Variants in CSMD3 observed in about 807,000 individuals in gnomAD.
CSMD3 encodes CUB and sushi domain-containing protein 3.
Under a neutral mutation model 435.2 loss-of-function variants are expected in CSMD3, and 177 were observed. That is an observed-to-expected ratio of 0.41 (90% confidence interval 0.36 to 0.46). The LOEUF (loss-of-function observed/expected upper bound fraction) is 0.46, where lower values mean the gene tolerates loss of function less well. CSMD3 is among the 20% of genes least tolerant of loss of function. CSMD3 has a pLI of 0.34. For synonymous variants in CSMD3, 1,656 were observed against 1,520.5 expected, an observed-to-expected ratio of 1.09 and a Z score of -2.07; for missense variants, 4,265 against 4,504.6, an observed-to-expected ratio of 0.95 and a Z score of 1.52.
chr8:112,768,044 A>G (rs1436590328), intron 13 of CSMD3, among the ~76,000 whole-genome samples: 1 of 151,872 alleles, frequency 6.6e-6, no homozygotes, highest in Non-Finnish European at 1.5e-5. Flanking sequence ...AGGTGAATTT[A>G]AAGGACAGCT....
chr8:112,575,397 G>T (rs534099717), intron 23 of CSMD3, among the ~76,000 whole-genome samples: 1 of 152,106 alleles, frequency 6.6e-6, no homozygotes, highest in East Asian at 1.9e-4. Flanking sequence ...AAGGAATTGA[G>T]AATCTTAAGT....
chr8:112,984,298 GAACA>G lies in CSMD3; in HGVS notation c.1031-8154_1031-8151del, dbSNP rs1385315458. On this transcript the variant is annotated intron_variant, in intron 6 of 70. Transcript: ENST00000297405. Reference sequence around the variant, plus strand: ...TCATTTAGAGAATATAAGTAAAAAAGAACAAACAAAAACTGTCTTTTAATACCAT... The same window carrying G: ...TCATTTAGAGAATATAAGTAAAAAAGAACAAAAACTGTCTTTTAATACCAT... 7.3e-5 allele frequency among the ~76,000 whole-genome samples: 11 copies of G among 151,596 alleles called. No individual in the cohort carries two copies. In the East Asian group the frequency reaches 1.2e-3, roughly 16 times the overall value.
intron 38 of CSMD3, 71 bp from the exon 39 acceptor site, chr8:112,352,605 T>G: frequency 1.5e-6 from 2 of 1,338,268 alleles, no homozygotes; most frequent in Non-Finnish European, 2.1e-6. Flanking sequence ...CATATTAAGT[T>G]GCTAAAATTG....
At chr8:113,059,343 C>A (rs2088497116) in intron 5 of CSMD3, among the ~76,000 whole-genome samples, 1 of 152,084 alleles carries the variant, frequency 6.6e-6, no homozygotes, top group Admixed American at 6.6e-5. Context: ...CTCTGGTACC[C>A]TTGGCCTTCA....
At chr8:113,080,139 T>C (rs889848284) in intron 5 of CSMD3, among the ~76,000 whole-genome samples, 2 of 152,166 alleles carry the variant, frequency 1.3e-5, no homozygotes, top group Admixed American at 6.5e-5. Context: ...TACTGAGTGA[T>C]GTTTGATGAG....
intron 1 of CSMD3, among the ~76,000 whole-genome samples, chr8:113,322,342 T>C (rs1459107133): frequency 6.6e-6 from 1 of 152,174 alleles, no homozygotes; most frequent in South Asian, 2.1e-4. Flanking sequence ...TAATTTTTGG[T>C]GATGGGAGAG....
intron 17 of CSMD3, among the ~76,000 whole-genome samples, chr8:112,659,107 G>A (rs988250753): frequency 1.3e-5 from 2 of 152,048 alleles, no homozygotes; most frequent in African/African-American, 4.8e-5. Context: ...ACTTCAAATT[G>A]AAACATAAAG....
At chr8:113,312,342 A>G (rs2093875925) in intron 2 of CSMD3, 1 of 152,154 alleles carries the variant, frequency 6.6e-6, no homozygotes, top group Non-Finnish European at 1.5e-5. Flanking sequence ...GCACAGTGAC[A>G]GGTGCAGAGG....
Position 113,319,065 on chromosome 8 carries a change from G to T in CSMD3, c.179-4272C>A, listed in dbSNP as rs541250532. Reference sequence around the variant, plus strand: ...TGTATCTCATTTTGGTATATACCTGGAAGAGGAGTTGCTGGGTCATATAGT... The same window carrying T: ...TGTATCTCATTTTGGTATATACCTGTAAGAGGAGTTGCTGGGTCATATAGT... On this transcript the variant is annotated intron_variant, in intron 1 of 70. Transcript: ENST00000297405. Among the ~76,000 whole-genome samples, 393 of 151,988 alleles carry T rather than the reference G, an allele frequency of 2.6e-3. 2 individuals carry two copies. Among genetic ancestry groups the T allele is most frequent in the African/African-American group, 8.9e-3 (370 of 41,480 alleles).
intron 7 of CSMD3, among the ~76,000 whole-genome samples, chr8:112,960,033 C>T (rs1420326983): frequency 1.3e-5 from 2 of 151,670 alleles, no homozygotes; most frequent in Non-Finnish European, 3.0e-5. Flanking sequence ...GAAATAAAGA[C>T]TAATGTCATC....
At chr8:112,472,162 A>C (rs1267398960) in intron 32 of CSMD3, among the ~76,000 whole-genome samples, 1 of 152,180 alleles carries the variant, frequency 6.6e-6, no homozygotes, top group Non-Finnish European at 1.5e-5. Context: ...CTTTCTGGAA[A>C]TGTGTTAATA....
intron 5 of CSMD3, among the ~76,000 whole-genome samples, chr8:113,098,099 A>G (rs2131542951): frequency 6.6e-6 from 1 of 152,150 alleles, no homozygotes; most frequent in Middle Eastern, 3.4e-3. Context: ...TGTTTTGGAT[A>G]AATTCCCATG....
chr8:112,471,563 T>C (rs1474271346), intron 32 of CSMD3, among the ~76,000 whole-genome samples: 1 of 152,162 alleles, frequency 6.6e-6, no homozygotes, highest in East Asian at 1.9e-4. Flanking sequence ...ACATTTCTGA[T>C]GACAGTACTC....
At position 112,992,478 on chromosome 8, in the gene CSMD3, C is replaced by T. The variant is rs181720236; in HGVS notation, c.1031-16330G>A. On this transcript the variant is annotated intron_variant, in intron 6 of 70. Transcript: ENST00000297405. The stretch of plus-strand genomic sequence containing the variant: ...CCTAGTTCGCCTTGGTCTATCATCT[C>T]AAAGAAGGGGATATCTTTGCTTACT... Among the ~76,000 whole-genome samples, 8 of 151,768 alleles carry T rather than the reference C, an allele frequency of 5.3e-5. No individual in the cohort carries two copies. In the East Asian group the frequency reaches 1.6e-3, roughly 30 times the overall value.
chr8:113,092,078 C>G (rs1044276488), intron 5 of CSMD3, among the ~76,000 whole-genome samples: 2 of 151,994 alleles, frequency 1.3e-5, no homozygotes, highest in African/African-American at 4.8e-5. Context: ...CTTTGATAAA[C>G]AGTCTTTGTC....
intron 6 of CSMD3, among the ~76,000 whole-genome samples, chr8:112,982,166 A>G (rs1464716996): frequency 1.3e-5 from 2 of 151,910 alleles, no homozygotes; most frequent in African/African-American, 4.8e-5. Context: ...TCCGATGTGT[A>G]GAGGTGCATC....
intron 22 of CSMD3, among the ~76,000 whole-genome samples, chr8:112,594,059 G>A (rs1167379153): frequency 6.6e-6 from 1 of 152,030 alleles, no homozygotes; most frequent in Admixed American, 6.6e-5. Context: ...AGCTCCCAGT[G>A]TGAGCGACGC....
At chr8:112,613,899 G>C (rs1833463274) in intron 22 of CSMD3, among the ~76,000 whole-genome samples, 1 of 152,160 alleles carries the variant, frequency 6.6e-6, no homozygotes, top group African/African-American at 2.4e-5. Context: ...AAGGTCGGAG[G>C]ATTGCTTGAG....
chr8:113,223,043 A>C (rs1015702370), intron 3 of CSMD3, among the ~76,000 whole-genome samples: 1 of 150,830 alleles, frequency 6.6e-6, no homozygotes, highest in African/African-American at 2.4e-5. Context: ...ATTCCTAAAA[A>C]GAGTATTAAA....
Sources: allele counts gnomAD v4.1 joint callset (sites outside exome capture counted in the v4.1 genomes callset), GRCh38; gene constraint gnomAD v4.1.1; transcripts MANE v1.5; gene names NCBI Gene and HGNC (gene_info 2026-07-23, HGNC 2026-07-21).